Variants in RHOA observed in about 807,000 individuals in gnomAD.
RHOA encodes transforming protein RhoA.
Under a neutral mutation model 17.5 loss-of-function variants are expected in RHOA, and 3 were observed. The ratio of observed to expected loss-of-function variants is 0.17; its 90% CI spans 0.08 to 0.44. RHOA has a LOEUF of 0.44. Among genes scored for constraint, RHOA ranks in the 20% least tolerant of loss-of-function variants. The pLI, the probability that RHOA is intolerant of heterozygous loss-of-function variation, is 0.99. For synonymous variants in RHOA, 98 were observed against 88.4 expected, an observed-to-expected ratio of 1.11 and a Z score of -0.61; for missense variants, 56 against 242.3, an observed-to-expected ratio of 0.23 and a Z score of 5.10.
chr3:49,359,926 A>G lies in RHOA; in HGVS notation c.*283T>C, dbSNP rs961562038. The G allele has an allele frequency of 5.4e-6, 2 of 368,298 alleles. No homozygotes were observed. Among genetic ancestry groups the G allele is most frequent in the African/African-American group, 4.2e-5 (2 of 48,192 alleles). The allele number at this position is 368,298 out of a possible 1,614,324, so 22.8% of individuals were successfully genotyped here. The stretch of plus-strand genomic sequence containing the variant: ...AGTTACCAACTGTTTCTCTTTCTAG[A>G]AAGAAGCAAGAAGTTAAGAAATTCC... On this transcript the variant is annotated 3_prime_UTR_variant, in exon 5 of 5. Coordinates refer to ENST00000418115, the MANE Select transcript of RHOA (RefSeq NM_001664.4).
chr3:49,375,709 A>G, intron 1 of RHOA, 118 bp from the exon 2 acceptor site: 1 of 1,030,216 alleles, frequency 9.7e-7, no homozygotes, highest in Non-Finnish European at 1.4e-6. Context: ...CTCAAATTCA[A>G]ACTTCTAGTA....
At chr3:49,387,487 G>C (rs1371141390) in intron 1 of RHOA, among the ~76,000 whole-genome samples, 7 of 146,278 alleles carry the variant, frequency 4.8e-5, no homozygotes, top group Admixed American at 2.8e-4. Flanking sequence ...GCTCATGCCT[G>C]TAATCCCAGC....
intron 1 of RHOA, among the ~76,000 whole-genome samples, chr3:49,376,707 G>A (rs1398100268): frequency 6.6e-6 from 1 of 151,366 alleles, no homozygotes; most frequent in Non-Finnish European, 1.5e-5. Context: ...TGAAAGGACT[G>A]ATGAAAGGGA....
rs375310880 is a variant in RHOA, at chr3:49,406,475, G to A, written c.-3+5345C>T. On this transcript the variant is annotated intron_variant, in intron 1 of 4. Transcript: ENST00000418115. ...TCCTTGTGCTTTAGAGCAGCTATAA[G>A]CTTCAGAAATTAAAAATCTTGGCCA... Among the ~76,000 whole-genome samples, 6 of 152,252 alleles carry A rather than the reference G, an allele frequency of 3.9e-5. No homozygotes were observed. The South Asian group carries it at 6.2e-4, about 16-fold the overall frequency.
rs1483260673 is a variant in RHOA at position 49,398,259 on chromosome 3, GA to G, written c.-3+13560del. On this transcript the variant is annotated intron_variant, in intron 1 of 4. Transcript: ENST00000418115. Reference sequence around the variant, plus strand: ...CCATCTACTCAGGAGGCTGAGACACGAGAATTGCTTGAACCCAGAAGGCGGA... The same window carrying G: ...CCATCTACTCAGGAGGCTGAGACACGGAATTGCTTGAACCCAGAAGGCGGA... Among the ~76,000 whole-genome samples, 3 of 151,962 alleles carry G rather than the reference GA, an allele frequency of 2.0e-5. No individual in the cohort carries two copies. The East Asian group carries it at 5.8e-4, about 29-fold the overall frequency.
chr3:49,391,988 C>T (rs1407561398), intron 1 of RHOA, among the ~76,000 whole-genome samples: 1 of 151,830 alleles, frequency 6.6e-6, no homozygotes, highest in African/African-American at 2.4e-5. Flanking sequence ...CCACTATGTT[C>T]GGCTCATTTC....
intron 1 of RHOA, among the ~76,000 whole-genome samples, chr3:49,400,084 T>C (rs1461337929): frequency 6.6e-6 from 1 of 151,470 alleles, no homozygotes; most frequent in Non-Finnish European, 1.5e-5. Context: ...TGGTGGCACG[T>C]GCTTGTAATC....
intron 1 of RHOA, among the ~76,000 whole-genome samples, chr3:49,382,311 TC>T (rs1381229868): frequency 2.1e-5 from 3 of 142,446 alleles, no homozygotes; most frequent in Admixed American, 7.1e-5. Context: ...AGAGAGAGAC[TC>T]CGTCTCAAAA....
intron 1 of RHOA, among the ~76,000 whole-genome samples, chr3:49,404,726 G>A (rs1296529129): frequency 1.4e-5 from 2 of 145,084 alleles, no homozygotes; most frequent in Non-Finnish European, 3.0e-5. Context: ...CTCAGGAGAT[G>A]GAGACCAGCC....
At chr3:49,368,324 C>T in intron 3 of RHOA, 104 bp downstream of exon 3, 1 of 1,409,292 alleles carries the variant, frequency 7.1e-7, no homozygotes. Flanking sequence ...ACGATGATTG[C>T]TTCTCTGAAG....
rs1449465714 is a variant in RHOA at position 49,404,974 on chromosome 3, G to A, written c.-3+6846C>T. ...AAATAATAAAAAAAGTAGGCCAGGC[G>A]CGGTGGCTCACACCTATAATCCCAA... On this transcript the variant is annotated intron_variant, in intron 1 of 4. Coordinates refer to ENST00000418115, the MANE Select transcript of RHOA (RefSeq NM_001664.4). Among the ~76,000 whole-genome samples the A allele has an allele frequency of 2.9e-4, 43 of 145,942 alleles. 3 individuals carry two copies. Among genetic ancestry groups the A allele is most frequent in the Non-Finnish European group, 4.5e-5 (3 of 66,314 alleles).
intron 3 of RHOA, among the ~76,000 whole-genome samples, chr3:49,367,342 C>CAAAAAAAAAAAAA (rs62926260): frequency 0.019 from 1,556 of 80,236 alleles, 182 homozygotes; most frequent in East Asian, 0.11. Context: ...GACTCCCTCT[C>CAAAAAAAAAAAAA]AAAAAAAAAA....
intron 1 of RHOA, among the ~76,000 whole-genome samples, chr3:49,378,720 C>G (rs559200159): frequency 2.0e-5 from 3 of 152,086 alleles, no homozygotes; most frequent in Non-Finnish European, 4.4e-5. Flanking sequence ...CCTCCCACCT[C>G]AACCTCTCCA....
intron 1 of RHOA, among the ~76,000 whole-genome samples, chr3:49,400,721 A>C (rs2048708191): frequency 6.6e-6 from 1 of 151,428 alleles, no homozygotes; most frequent in Admixed American, 6.6e-5. Flanking sequence ...ATTGTAGCCA[A>C]AAAGGTGAGG....
intron 1 of RHOA, among the ~76,000 whole-genome samples, chr3:49,409,059 A>AT: frequency 6.8e-6 from 1 of 147,078 alleles, no homozygotes; most frequent in Middle Eastern, 3.4e-3. Context: ...AAGTGCTGGG[A>AT]TTACAGGCAT....
At chr3:49,360,467 A>G in intron 4 of RHOA, 85 bp from the exon 5 acceptor site, 27 of 1,419,668 alleles carry the variant, frequency 1.9e-5, no homozygotes, top group Non-Finnish European at 2.5e-5. Flanking sequence ...CATCTAAAAG[A>G]TTTTTTTTTC....
chr3:49,392,374 A>C (rs537981001), intron 1 of RHOA, among the ~76,000 whole-genome samples: 1 of 152,140 alleles, frequency 6.6e-6, no homozygotes, highest in Non-Finnish European at 1.5e-5. Context: ...GCCAGTAGGT[A>C]AAGTCTACAG....
chr3:49,379,595 C>A (rs898207662), intron 1 of RHOA, among the ~76,000 whole-genome samples: 2 of 152,062 alleles, frequency 1.3e-5, no homozygotes, highest in African/African-American at 2.4e-5. Context: ...CTCACTGCAA[C>A]CTTAGCCTCC....
chr3:49,391,751 T>A (rs972315401), intron 1 of RHOA, among the ~76,000 whole-genome samples: 3 of 151,428 alleles, frequency 2.0e-5, no homozygotes, highest in African/African-American at 7.3e-5. Context: ...CCTCAGGTGA[T>A]CCGCCCACCT....
Sources: gnomAD v4.1 joint callset for allele counts (sites outside exome capture counted in the v4.1 genomes callset) on GRCh38, gnomAD v4.1.1 for gene constraint, MANE v1.5 for transcripts, NCBI Gene and HGNC (gene_info 2026-07-23, HGNC 2026-07-21) for gene names.